The following PCDHA1 variants were observed in gnomAD, a reference collection of about 807,000 sequenced individuals.
PCDHA1 encodes protocadherin alpha-1.
PCDHA1 carries 42 observed loss-of-function variants against 61.3 expected under a neutral mutation model. That is an observed-to-expected ratio of 0.69 (90% CI 0.54 to 0.89). The LOEUF (loss-of-function observed/expected upper bound fraction) is 0.89, where lower values mean the gene tolerates loss of function less well. PCDHA1 is among the 40% of genes least tolerant of loss of function. The probability of loss-of-function intolerance (pLI) is 0.00; values close to 1 mark genes in which losing one functional copy is unlikely to be tolerated. For missense variants in PCDHA1, 1,256 were observed against 1,235.3 expected, an observed-to-expected ratio of 1.02 and a Z score of -0.25; for synonymous variants, 610 against 553.8, an observed-to-expected ratio of 1.10 and a Z score of -1.43.
chr5:140,916,910 A>G (rs898370877), intron 1 of PCDHA1, among the ~76,000 whole-genome samples: 3 of 152,194 alleles, frequency 2.0e-5, no homozygotes, highest in African/African-American at 7.2e-5. Context: ...AAGTTTACCT[A>G]GAACCTCAGA....
intron 1 of PCDHA1, chr5:140,870,846 G>T: frequency 6.2e-7 from 1 of 1,613,860 alleles, no homozygotes; most frequent in Non-Finnish European, 8.5e-7. Context: ...AGCTAGTACC[G>T]CGGTCGGTGG....
chr5:140,831,783 C>CCTCTATTT, intron 1 of PCDHA1, among the ~76,000 whole-genome samples: 1 of 152,198 alleles, frequency 6.6e-6, no homozygotes, highest in East Asian at 1.9e-4. Context: ...GATTGTTTCA[C>CCTCTATTT]CTCTATTTCA....
intron 3 of PCDHA1, among the ~76,000 whole-genome samples, chr5:140,998,401 CA>C (rs2097811473): frequency 6.6e-6 from 1 of 152,108 alleles, no homozygotes; most frequent in African/African-American, 2.4e-5. Context: ...ATCTTTATGC[CA>C]AAGTTTATCT....
chr5:140,883,632 T>C (rs782762437), intron 1 of PCDHA1: 1 of 1,613,936 alleles, frequency 6.2e-7, no homozygotes, highest in South Asian at 1.1e-5. Flanking sequence ...GCGCCGGCGT[T>C]CGCGCAGCCC....
At chr5:140,955,381 T>TG (rs782287731) in intron 1 of PCDHA1, among the ~76,000 whole-genome samples, 4 of 152,136 alleles carry the variant, frequency 2.6e-5, no homozygotes, top group Non-Finnish European at 5.9e-5. Context: ...AATTGAATCA[T>TG]GGGGGCAATT....
At chr5:140,950,458 A>G (rs568340492) in intron 1 of PCDHA1, among the ~76,000 whole-genome samples, 5 of 152,142 alleles carry the variant, frequency 3.3e-5, no homozygotes, top group Admixed American at 2.6e-4. Flanking sequence ...CTGTCTTCTA[A>G]TGCTCATAGT....
chr5:140,863,505 C>A, intron 1 of PCDHA1: 1 of 421,530 alleles, frequency 2.4e-6, no homozygotes. Flanking sequence ...GGCTTTTAGT[C>A]CTAGTGTTCT....
intron 1 of PCDHA1, among the ~76,000 whole-genome samples, chr5:140,963,204 AAACCTCGTGTT>A (rs2095746581): frequency 6.6e-6 from 1 of 152,104 alleles, no homozygotes; most frequent in South Asian, 2.1e-4. Context: ...ATGAAAAAAA[AAACCTCGTGTT>A]TAGAGTAGAC....
intron 1 of PCDHA1, chr5:140,875,431 T>C (rs1554167634): frequency 1.3e-6 from 2 of 1,558,558 alleles, no homozygotes. Context: ...AAGCGATCCC[T>C]TAAAACTGAT....
intron 1 of PCDHA1, chr5:140,877,747 T>C (rs1554170075): frequency 1.2e-6 from 2 of 1,614,172 alleles, no homozygotes; most frequent in Non-Finnish European, 8.5e-7. Context: ...GCAGAGGGTG[T>C]GCTCTGCAGA....
At chr5:140,963,237 G>A (rs782735845) in intron 1 of PCDHA1, among the ~76,000 whole-genome samples, 50 of 152,136 alleles carry the variant, frequency 3.3e-4, no homozygotes, top group Non-Finnish European at 6.2e-4. Flanking sequence ...CTGTTTGATG[G>A]ATTAGGTAGG....
chr5:140,969,363 C>T, intron 1 of PCDHA1: 2 of 1,610,732 alleles, frequency 1.2e-6, no homozygotes, highest in Non-Finnish European at 8.5e-7. Context: ...CTTCTACAAA[C>T]TCATGCATTT....
In PCDHA1 at chr5:141,012,060, A is replaced by T. The variant is rs919882671; in HGVS notation, c.*2123A>T. 3.9e-5 allele frequency: 6 copies of T among 153,766 alleles called. No individual in the cohort carries two copies. The highest frequency in any genetic ancestry group is 8.8e-5 in the Non-Finnish European group (6 of 68,040). 9.5% of individuals were successfully genotyped at this position (153,766 alleles called of 1,614,324 possible). ...GCATGGGGTAAAACTTGTTACCAAC[A>T]CATGTGAACCATTGCTACATTGTAG... On this transcript the variant is annotated 3_prime_UTR_variant, in exon 4 of 4. Transcript: ENST00000504120.
chr5:140,825,871 A>G (rs2150141676), intron 1 of PCDHA1: 9 of 152,470 alleles, frequency 5.9e-5, no homozygotes, highest in African/African-American at 2.2e-4. Flanking sequence ...TGAGTTGTTT[A>G]CAAAGAGTTG....
intron 1 of PCDHA1, chr5:140,795,344 A>G (rs1761947383): frequency 6.2e-7 from 1 of 1,614,012 alleles, no homozygotes; most frequent in South Asian, 1.1e-5. Context: ...AAGGACATTA[A>G]CGACAACCCG....
Position 140,787,467 on chromosome 5 carries a change from G to T in PCDHA1, c.1177G>T (p.Val393Phe), listed in dbSNP as rs1554117833. 4 of 1,614,170 alleles carry T rather than the reference G, an allele frequency of 2.5e-6. No individual in the cohort carries two copies. The highest frequency in any genetic ancestry group is 2.5e-6 in the Non-Finnish European group (3 of 1,180,024). ...GQVTCSLMPH[V>F]PFKLVSTFKN... ...GGTGACTTGCTCCTTAATGCCCCAC[G>T]TCCCCTTCAAGCTGGTGTCCACCTT... The change falls in exon 1 of 4, where the codon GTC becomes TTC. Residue 393 changes from valine to phenylalanine, a missense_variant. Val to Phe is a conservative substitution (Grantham distance 50). Coordinates refer to ENST00000504120, the MANE Select transcript of PCDHA1 (RefSeq NM_018900.4).
rs782723934 is a variant in PCDHA1, at chr5:140,857,452, G to A, written c.2394+68768G>A. The A allele has an allele frequency of 4.4e-6, 7 of 1,598,446 alleles. 1 individual carries two copies. The highest frequency in any genetic ancestry group is 4.3e-6 in the Non-Finnish European group (5 of 1,167,904). ...CGGTGTTCGTGAAGGAGAACAACCC[G>A]CCAGGCTGCCACATCTTCACGGTGT... On this transcript the variant is annotated intron_variant, in intron 1 of 3. Coordinates refer to ENST00000504120, the MANE Select transcript of PCDHA1 (RefSeq NM_018900.4).
At chr5:140,990,084 C>T (rs31873) in intron 3 of PCDHA1, among the ~76,000 whole-genome samples, 3,615 of 152,028 alleles carry the variant, frequency 0.024, 147 homozygotes, top group African/African-American at 0.081. Flanking sequence ...ACAAAGGATG[C>T]TTGTGCTACT....
chr5:140,869,719 C>T, intron 1 of PCDHA1: 1 of 1,613,314 alleles, frequency 6.2e-7, no homozygotes, highest in Admixed American at 1.7e-5. Flanking sequence ...AGAGAAAACT[C>T]CGGAACTTAA....
Sources: allele counts gnomAD v4.1 joint callset (sites outside exome capture counted in the v4.1 genomes callset), GRCh38; gene constraint gnomAD v4.1.1; transcripts MANE v1.5; gene names NCBI Gene and HGNC (gene_info 2026-07-23, HGNC 2026-07-21).